Variants in IPO5 observed in about 807,000 individuals in gnomAD.
The protein encoded by IPO5 is importin 5.
IPO5 carries 18 observed loss-of-function variants against 143.3 expected under a neutral mutation model. The observed-to-expected ratio is 0.13, with a 90% CI of 0.09 to 0.19. The LOEUF (loss-of-function observed/expected upper bound fraction) is 0.19, where lower values mean the gene tolerates loss of function less well. Among genes scored for constraint, IPO5 ranks in the 10% least tolerant of loss-of-function variants. IPO5 has a pLI of 1.00. For synonymous variants in IPO5, 477 were observed against 465.7 expected (o/e 1.02, Z -0.31); for missense variants, 1,013 against 1,336.9 (o/e 0.76, Z 3.78).
intron 6 of IPO5, among the ~76,000 whole-genome samples, chr13:97,988,501 C>G (rs1887559511): frequency 6.6e-6 from 1 of 152,192 alleles, no homozygotes; most frequent in African/African-American, 2.4e-5. Flanking sequence ...GAAATAACCT[C>G]TGCCAGCCAG....
At chr13:97,970,640 T>C (rs1885747573) in intron 3 of IPO5, among the ~76,000 whole-genome samples, 1 of 151,868 alleles carries the variant, frequency 6.6e-6, no homozygotes, top group South Asian at 2.1e-4. Flanking sequence ...GAAAAAAGCA[T>C]ACCTCAGTTC....
chr13:98,021,045 G>C lies in IPO5; in HGVS notation c.3119G>C (p.Ser1040Thr). The C allele has an allele frequency of 6.2e-7, 1 of 1,611,456 alleles. No individual in the cohort carries two copies. Among genetic ancestry groups the C allele is most frequent in the Non-Finnish European group, 8.5e-7 (1 of 1,178,964 alleles). The change falls in exon 28 of 29, where the codon AGT becomes ACT. Residue 1040 changes from serine (S) to threonine (T), a missense_variant. Around this residue, in one of 2 missense-constraint regions of IPO5, gnomAD observed 685 missense variants for 994.9 expected, o/e 0.69. Transcript: ENST00000651721. ...AATACCAATCTGCCCAAAATATTTA[G>C]TATAATTGCGGAAGGAGAAATGCAC... Reference protein sequence around the residue: ...PNNTNLPKIFSIIAEGEMHEA... With the variant: ...PNNTNLPKIFTIIAEGEMHEA...
At chr13:97,956,931 C>T (rs1884502741) in intron 2 of IPO5, among the ~76,000 whole-genome samples, 1 of 152,130 alleles carries the variant, frequency 6.6e-6, no homozygotes, top group Non-Finnish European at 1.5e-5. Flanking sequence ...AGAGAAAATG[C>T]TTGGTCTATG....
intron 16 of IPO5, among the ~76,000 whole-genome samples, chr13:98,004,077 G>T (rs1249350868): frequency 6.6e-6 from 1 of 152,136 alleles, no homozygotes; most frequent in Non-Finnish European, 1.5e-5. Context: ...CCAGTTTATT[G>T]TCAAATGTTT....
chr13:98,001,499 A>G (rs1381040028), intron 13 of IPO5: 2 of 152,032 alleles, frequency 1.3e-5, no homozygotes, highest in African/African-American at 4.8e-5. Flanking sequence ...CTATTTCGAG[A>G]CAGAATCCCA....
At chr13:97,993,395 T>C (rs1887961099) in intron 11 of IPO5, among the ~76,000 whole-genome samples, 170 bp downstream of exon 11, 1 of 152,212 alleles carries the variant, frequency 6.6e-6, no homozygotes, top group Non-Finnish European at 1.5e-5. Flanking sequence ...GACCCCCACA[T>C]TGTGGTTATG....
Position 97,989,129 on chromosome 13 carries a change from T to C in IPO5, c.432T>C (p.Asn144=). The change falls in exon 7 of 29, where the codon AAT becomes AAC. Residue 144 remains asparagine, a synonymous_variant. Coordinates refer to ENST00000651721, the MANE Select transcript of IPO5 (RefSeq NM_002271.6). ...KFLFDSVSSQ[N]VGLREAALHI... is the part of the protein sequence containing the mutation. ...TTTTTGATTCAGTCAGCTCTCAAAA[T>C]GTGGGACTGCGGGAAGCTGCCCTTC... 2 of 1,613,406 alleles carry C rather than the reference T, an allele frequency of 1.2e-6. No homozygotes were observed. Among genetic ancestry groups the C allele is most frequent in the South Asian group, 1.1e-5 (1 of 91,056 alleles).
chr13:98,022,085 C>A lies in IPO5; in HGVS notation c.*263C>A. ...TTTTTCTATTGGTATAACCCGCCCA[C>A]CTGAAGGGGAAAGGGAAATCAAATT... On this transcript the variant is annotated 3_prime_UTR_variant, in exon 29 of 29. Coordinates refer to ENST00000651721, the MANE Select transcript of IPO5 (RefSeq NM_002271.6). 1 of 313,834 alleles carries A rather than the reference C, an allele frequency of 3.2e-6. No homozygotes were observed. The highest frequency in any genetic ancestry group is 4.6e-5 in the Admixed American group (1 of 21,522). 19.4% of individuals were successfully genotyped at this position (313,834 alleles called of 1,614,324 possible).
At position 97,993,119 on chromosome 13, in the gene IPO5, T is replaced by A. The variant is rs1484101408; in HGVS notation, c.807T>A (p.Thr269=). ...LQLSLKLCGD[T]SLNNMQRQLA... ...CTTCTTTGTAGTTGTGTGGAGACAC[T>A]AGCCTCAACAATATGCAACGCCAGC... The change falls in exon 11 of 29, where the codon ACT becomes ACA. Residue 269 remains threonine, a synonymous_variant. Coordinates refer to ENST00000651721, the MANE Select transcript of IPO5 (RefSeq NM_002271.6). 1.2e-6 allele frequency: 2 copies of A among 1,613,988 alleles called. No individual in the cohort carries two copies. Among genetic ancestry groups the A allele is most frequent in the Non-Finnish European group, 1.7e-6 (2 of 1,179,820 alleles).
Position 97,982,520 on chromosome 13 carries a change from C to T in IPO5, c.108C>T (p.Ile36=), listed in dbSNP as rs1246259072. 1.2e-6 allele frequency: 2 copies of T among 1,612,236 alleles called. No individual in the cohort carries two copies. Among genetic ancestry groups the T allele is most frequent in the South Asian group, 1.1e-5 (1 of 91,028 alleles). ...RKQAEETYEN[I]PGQSKITFLL... ...CCATGCAGGAAACCTATGAGAATATCCCAGGCCAGTCAAAGATCACATTCC... is the reference window on the plus strand; with the variant it reads ...CCATGCAGGAAACCTATGAGAATATTCCAGGCCAGTCAAAGATCACATTCC... Residue 36 remains isoleucine, a synonymous_variant, in exon 5 of 29, where the codon ATC becomes ATT. Coordinates refer to ENST00000651721, the MANE Select transcript of IPO5 (RefSeq NM_002271.6).
chr13:98,002,709 G>A lies in IPO5; in HGVS notation c.1259G>A (p.Cys420Tyr). 1 of 1,612,314 alleles carries A rather than the reference G, an allele frequency of 6.2e-7. No homozygotes were observed. The highest frequency in any genetic ancestry group is 8.5e-7 in the Non-Finnish European group (1 of 1,179,332). The change falls in exon 15 of 29, where the codon TGT becomes TAT. Residue 420 changes from cysteine (C) to tyrosine (Y), a missense_variant. Coordinates refer to ENST00000651721, the MANE Select transcript of IPO5 (RefSeq NM_002271.6). Reference protein sequence around the residue: ...DPHPRVRYAACNAVGQMATDF... With the variant: ...DPHPRVRYAAYNAVGQMATDF... Reference sequence around the variant, plus strand: ...CATCCAAGAGTAAGGTATGCAGCCTGTAATGCCGTGGGACAGATGGCTACA... The same window carrying A: ...CATCCAAGAGTAAGGTATGCAGCCTATAATGCCGTGGGACAGATGGCTACA...
At chr13:97,984,701 A>G (rs1887179797) in intron 5 of IPO5, among the ~76,000 whole-genome samples, 2 of 152,236 alleles carry the variant, frequency 1.3e-5, no homozygotes, top group South Asian at 4.1e-4. Flanking sequence ...CAAAGTAATT[A>G]TAGTGATAAT....
At chr13:97,971,898 T>C (rs984919152) in intron 3 of IPO5, among the ~76,000 whole-genome samples, 4 of 152,214 alleles carry the variant, frequency 2.6e-5, no homozygotes, top group Admixed American at 2.6e-4. Context: ...CACCATACTA[T>C]GTGAATTTAC....
chr13:98,003,677 C>A (rs985816175), intron 16 of IPO5, among the ~76,000 whole-genome samples: 2 of 151,932 alleles, frequency 1.3e-5, no homozygotes, highest in African/African-American at 4.8e-5. Context: ...TGGTGAAATC[C>A]CATCTCTCCT....
intron 27 of IPO5, among the ~76,000 whole-genome samples, chr13:98,020,142 C>T (rs1890380661): frequency 6.6e-6 from 1 of 152,210 alleles, no homozygotes; most frequent in Non-Finnish European, 1.5e-5. Flanking sequence ...CTCTTGGCCT[C>T]AAGAGATCCT....
intron 16 of IPO5, among the ~76,000 whole-genome samples, chr13:98,005,791 G>GA (rs1405232331): frequency 6.6e-6 from 1 of 151,892 alleles, no homozygotes; most frequent in African/African-American, 2.4e-5. Context: ...AATCAGTGAA[G>GA]AAAAAAATGA....
chr13:98,023,398 T>G lies in IPO5; in HGVS notation c.*1576T>G, dbSNP rs1486024378. 1 of 152,186 alleles carries G rather than the reference T, an allele frequency of 6.6e-6. No homozygotes were observed. Among genetic ancestry groups the G allele is most frequent in the Non-Finnish European group, 1.5e-5 (1 of 68,036 alleles). The allele number at this position is 152,186 out of a possible 1,614,324, so 9.4% of individuals were successfully genotyped here. On this transcript the variant is annotated 3_prime_UTR_variant, in exon 29 of 29. Transcript: ENST00000651721. ...GTGTCAAGACAACCCCTTTCTGCTT[T>G]CTTATGTAGCATCTGCAAAGCCGAT...
chr13:97,969,301 C>T (rs1594026769), intron 2 of IPO5, among the ~76,000 whole-genome samples: 4 of 149,770 alleles, frequency 2.7e-5, no homozygotes, highest in Middle Eastern at 3.5e-3. Context: ...CCTGCTTCAG[C>T]CTCCCGAGTA....
chr13:97,988,893 G>A (rs531245924), intron 6 of IPO5, among the ~76,000 whole-genome samples, 169 bp from the exon 7 acceptor site: 2 of 150,350 alleles, frequency 1.3e-5, no homozygotes, highest in African/African-American at 2.4e-5. Flanking sequence ...TGATTGTGAT[G>A]CCATTTTTAT....
Sources: allele counts gnomAD v4.1 joint callset (sites outside exome capture counted in the v4.1 genomes callset), GRCh38; gene constraint gnomAD v4.1.1; regional missense constraint gnomAD v4.1.1; transcripts MANE v1.5; gene names NCBI Gene and HGNC (gene_info 2026-07-23, HGNC 2026-07-21).